Variants in PIK3C2G observed in about 807,000 individuals in gnomAD.
The protein encoded by PIK3C2G is phosphatidylinositol-4-phosphate 3-kinase catalytic subunit type 2 gamma.
PIK3C2G carries 168 observed loss-of-function variants against 181.1 expected under a neutral mutation model. That is an observed-to-expected ratio of 0.93 (90% CI 0.82 to 1.05). The LOEUF (loss-of-function observed/expected upper bound fraction) is 1.05, where lower values mean the gene tolerates loss of function less well. PIK3C2G is among the 50% of genes least tolerant of loss of function. PIK3C2G has a pLI of 0.00. For synonymous variants in PIK3C2G, 573 were observed against 592.2 expected, an observed-to-expected ratio of 0.97 and a Z score of 0.47; for missense variants, 1,869 against 1,732.8, an observed-to-expected ratio of 1.08 and a Z score of -1.40.
chr12:18,448,769 A>C (rs2135873177), intron 18 of PIK3C2G, among the ~76,000 whole-genome samples: 1 of 151,930 alleles, frequency 6.6e-6, no homozygotes, highest in Admixed American at 6.6e-5. Flanking sequence ...TATTGTTACA[A>C]ATTGAAAACA....
At chr12:18,581,036 T>TAA (rs1371578969) in intron 29 of PIK3C2G, among the ~76,000 whole-genome samples, 1 of 152,218 alleles carries the variant, frequency 6.6e-6, no homozygotes, top group Non-Finnish European at 1.5e-5. Flanking sequence ...AACTCTGTAG[T>TAA]CTTTGATAAC....
intron 18 of PIK3C2G, among the ~76,000 whole-genome samples, chr12:18,449,126 G>C (rs538196127): frequency 6.6e-6 from 1 of 151,834 alleles, no homozygotes; most frequent in African/African-American, 2.4e-5. Flanking sequence ...AGTCCTCTTG[G>C]TGCCATTGTT....
intron 31 of PIK3C2G, among the ~76,000 whole-genome samples, chr12:18,626,002 A>T (rs1949081331): frequency 1.3e-5 from 2 of 151,864 alleles, no homozygotes; most frequent in African/African-American, 4.8e-5. Flanking sequence ...TAAAGAATTT[A>T]ATACATTTAC....
upstream of PIK3C2G, among the ~76,000 whole-genome samples, chr12:18,259,536 C>T (rs3813899): frequency 0.45 from 67,949 of 151,738 alleles, 15,591 homozygotes; most frequent in East Asian, 0.74. Flanking sequence ...ACAAAGAAAT[C>T]ACATTTGCTT....
chr12:18,259,631 A>G (rs1427918000), upstream of PIK3C2G, among the ~76,000 whole-genome samples: 1 of 152,188 alleles, frequency 6.6e-6, no homozygotes, highest in African/African-American at 2.4e-5. Context: ...AACAAGCAAG[A>G]AAGTTTTAGA....
chr12:18,253,063 G>T (rs1647669620), intron 1 of PIK3C2G, among the ~76,000 whole-genome samples: 2 of 152,216 alleles, frequency 1.3e-5, no homozygotes, highest in African/African-American at 4.8e-5. Flanking sequence ...AACTCATCAA[G>T]CTGTGCTCTT....
chr12:18,651,293 T>C (rs1950505817), downstream of PIK3C2G, among the ~76,000 whole-genome samples: 1 of 152,072 alleles, frequency 6.6e-6, no homozygotes, highest in Non-Finnish European at 1.5e-5. Context: ...CTCAGATGTC[T>C]CCGTCTCTGC....
At chr12:18,520,093 G>T (rs1334015058) in intron 24 of PIK3C2G, among the ~76,000 whole-genome samples, 1 of 151,024 alleles carries the variant, frequency 6.6e-6, no homozygotes, top group Non-Finnish European at 1.5e-5. Context: ...CCTGCTGTTA[G>T]TCTGATGGGC....
At chr12:18,588,473 G>C (rs11044207) in intron 29 of PIK3C2G, among the ~76,000 whole-genome samples, 29,651 of 152,048 alleles carry the variant, frequency 0.2, 2,877 homozygotes, top group South Asian at 0.21. Context: ...CATACATGTA[G>C]CCAAGAAGCA....
At chr12:18,378,903 T>A (rs1311782770) in intron 13 of PIK3C2G, among the ~76,000 whole-genome samples, 1 of 152,186 alleles carries the variant, frequency 6.6e-6, no homozygotes, top group African/African-American at 2.4e-5. Flanking sequence ...GGAACACTTT[T>A]ACACTGTTGG....
chr12:18,353,584 G>T (rs925780801), intron 11 of PIK3C2G, among the ~76,000 whole-genome samples: 1 of 152,230 alleles, frequency 6.6e-6, no homozygotes, highest in Middle Eastern at 3.4e-3. Context: ...CTTGCATGGT[G>T]GCCATTAAAG....
chr12:18,366,624 C>T (rs1941662242), intron 12 of PIK3C2G, among the ~76,000 whole-genome samples: 1 of 152,018 alleles, frequency 6.6e-6, no homozygotes, highest in South Asian at 2.1e-4. Flanking sequence ...AAAACTATTT[C>T]ATATACAATA....
chr12:18,689,391 T>A, the PIK3C2G span, among the ~76,000 whole-genome samples: 1 of 152,210 alleles, frequency 6.6e-6, no homozygotes, highest in Admixed American at 6.5e-5. Context: ...TGGCTTTGAA[T>A]GCGGCCCAAC....
chr12:18,305,073 A>G (rs2137328072), intron 5 of PIK3C2G, among the ~76,000 whole-genome samples: 1 of 152,174 alleles, frequency 6.6e-6, no homozygotes, highest in East Asian at 1.9e-4. Context: ...AATCTCCTTC[A>G]TAGTGCTTCA....
chr12:18,368,177 C>A (rs1331202320), intron 12 of PIK3C2G, among the ~76,000 whole-genome samples: 1 of 152,142 alleles, frequency 6.6e-6, no homozygotes, highest in Non-Finnish European at 1.5e-5. Context: ...CAAATCATAT[C>A]AACTTACATT....
chr12:18,542,690 A>G (rs1251942483), intron 25 of PIK3C2G, among the ~76,000 whole-genome samples: 3 of 151,824 alleles, frequency 2.0e-5, no homozygotes, highest in Non-Finnish European at 2.9e-5. Context: ...TTAGTTTGCT[A>G]AGGATAATAG....
intron 18 of PIK3C2G, among the ~76,000 whole-genome samples, chr12:18,468,790 A>C (rs1938165055): frequency 6.6e-6 from 1 of 152,100 alleles, no homozygotes; most frequent in Non-Finnish European, 1.5e-5. Flanking sequence ...GCCTCTGTGA[A>C]TTACTTTTTT....
chr12:18,383,821 T>G (rs975028736), intron 14 of PIK3C2G, among the ~76,000 whole-genome samples: 1 of 151,508 alleles, frequency 6.6e-6, no homozygotes, highest in Non-Finnish European at 1.5e-5. Context: ...GTTTTTTTTT[T>G]GAGACAGAGG....
At chr12:18,641,829 A>G (rs1329079754) in intron 32 of PIK3C2G, among the ~76,000 whole-genome samples, 4 of 142,462 alleles carry the variant, frequency 2.8e-5, no homozygotes, top group African/African-American at 1.1e-4. Flanking sequence ...AGCTCACCAC[A>G]ACCTCCACCT....
Sources: gnomAD v4.1 joint callset for allele counts (sites outside exome capture counted in the v4.1 genomes callset) on GRCh38, gnomAD v4.1.1 for gene constraint, MANE v1.5 for transcripts, NCBI Gene and HGNC (gene_info 2026-07-23, HGNC 2026-07-21) for gene names.